The following BCAT1 variants were observed in gnomAD, a reference collection of about 807,000 sequenced individuals.
The protein encoded by BCAT1 is branched-chain-amino-acid aminotransferase, cytosolic.
In BCAT1, 48 loss-of-function variants were observed where a neutral mutation model predicts 52.4. The observed-to-expected ratio is 0.92, with a 90% CI of 0.73 to 1.16. BCAT1 has a LOEUF of 1.16. BCAT1 is among the 50% of genes most tolerant of loss of function. The pLI is 0.00. For missense variants in BCAT1, 451 were observed against 457.1 expected, an observed-to-expected ratio of 0.99 and a Z score of 0.12; for synonymous variants, 167 against 161.3, an observed-to-expected ratio of 1.04 and a Z score of -0.27.
intron 6 of BCAT1, among the ~76,000 whole-genome samples, chr12:24,847,156 G>A (rs1231965936): frequency 6.6e-6 from 1 of 152,204 alleles, no homozygotes; most frequent in Non-Finnish European, 1.5e-5. Flanking sequence ...ACATAGAGCA[G>A]TTAAGTAACA....
At chr12:24,933,109 CTTTTTTTTTTTTTTTTT>C (rs57512325) in intron 1 of BCAT1, among the ~76,000 whole-genome samples, 1 of 68,528 alleles carries the variant, frequency 1.5e-5, no homozygotes. Context: ...CACGCCTGGC[CTTTTTTTTTTTTTTTTT>C]TTTTTTTTTT....
chr12:24,902,792 G>C, intron 1 of BCAT1: 1 of 1,104,342 alleles, frequency 9.1e-7, no homozygotes, highest in Non-Finnish European at 1.2e-6. Flanking sequence ...GCAGGGATGC[G>C]GGGAAGGGAA....
At position 24,897,946 on chromosome 12, in the gene BCAT1, G is replaced by C. The variant is rs897793235; in HGVS notation, c.79-3471C>G. On this transcript the variant is annotated intron_variant, in intron 2 of 10. Transcript: ENST00000261192. Reference sequence around the variant, plus strand: ...CTTGAAAAAAAAATTCTGCAACTCTGAAAACTAAAAATAACAACTTTTAAC... The same window carrying C: ...CTTGAAAAAAAAATTCTGCAACTCTCAAAACTAAAAATAACAACTTTTAAC... Among the ~76,000 whole-genome samples, 7 of 152,078 alleles carry C rather than the reference G, an allele frequency of 4.6e-5. 1 individual carries two copies. Among genetic ancestry groups the C allele is most frequent in the Admixed American group, 2.0e-4 (3 of 15,270 alleles).
intron 1 of BCAT1, among the ~76,000 whole-genome samples, chr12:24,921,551 T>G (rs1401493041): frequency 6.6e-6 from 1 of 152,236 alleles, no homozygotes; most frequent in African/African-American, 2.4e-5. Context: ...TTCCCAGTAA[T>G]GTAAGCCCAA....
intron 7 of BCAT1, among the ~76,000 whole-genome samples, chr12:24,837,899 T>C (rs1565455522): frequency 6.6e-6 from 1 of 152,252 alleles, no homozygotes; most frequent in Non-Finnish European, 1.5e-5. Flanking sequence ...GCTGAGCTAC[T>C]GCTCTACTGT....
chr12:24,837,135 G>GGGTA (rs1941009756), intron 7 of BCAT1, among the ~76,000 whole-genome samples: 1 of 56,410 alleles, frequency 1.8e-5, no homozygotes, highest in African/African-American at 5.0e-5. Context: ...GAAGGGGGGA[G>GGGTA]GGAAGGAAGG....
At chr12:24,839,000 C>T (rs1286497865) in intron 7 of BCAT1, among the ~76,000 whole-genome samples, 2 of 152,184 alleles carry the variant, frequency 1.3e-5, no homozygotes, top group African/African-American at 4.8e-5. Flanking sequence ...GCCATTTATT[C>T]TACAAATACA....
At chr12:24,897,915 T>C (rs1454544503) in intron 2 of BCAT1, among the ~76,000 whole-genome samples, 1 of 152,022 alleles carries the variant, frequency 6.6e-6, no homozygotes, top group African/African-American at 2.4e-5. Flanking sequence ...CATGAACTTT[T>C]CTCTACTTGA....
chr12:24,890,643 A>T (rs1242804694), intron 3 of BCAT1, among the ~76,000 whole-genome samples: 1 of 152,192 alleles, frequency 6.6e-6, no homozygotes, highest in Non-Finnish European at 1.5e-5. Flanking sequence ...AAGTTAACCT[A>T]CAAGGTCTAA....
intron 3 of BCAT1, among the ~76,000 whole-genome samples, chr12:24,884,786 A>C (rs961170666): frequency 6.6e-6 from 1 of 152,182 alleles, no homozygotes. Context: ...TTTAACATTT[A>C]AAAAAATCAA....
At chr12:24,927,850 T>A (rs1450542083) in intron 1 of BCAT1, among the ~76,000 whole-genome samples, 1 of 152,202 alleles carries the variant, frequency 6.6e-6, no homozygotes, top group Non-Finnish European at 1.5e-5. Flanking sequence ...TATTTTTCTC[T>A]CATTACTGCC....
chr12:24,891,432 G>C (rs773940307), intron 3 of BCAT1, among the ~76,000 whole-genome samples: 1 of 152,072 alleles, frequency 6.6e-6, no homozygotes, highest in Admixed American at 6.5e-5. Context: ...ACCGTGTGAC[G>C]GACCCCAAGC....
intron 1 of BCAT1, among the ~76,000 whole-genome samples, chr12:24,916,239 G>T (rs1054871223): frequency 6.6e-6 from 1 of 152,208 alleles, no homozygotes; most frequent in Non-Finnish European, 1.5e-5. Flanking sequence ...TATGAATTGG[G>T]TGAATTGCTC....
intron 5 of BCAT1, among the ~76,000 whole-genome samples, chr12:24,865,742 A>G (rs1395105060): frequency 6.6e-6 from 1 of 152,228 alleles, no homozygotes; most frequent in Non-Finnish European, 1.5e-5. Flanking sequence ...CAACATTATA[A>G]CCGTTGTTAT....
In BCAT1 at chr12:24,829,960, G is replaced by C. The variant is rs138829448; in HGVS notation, c.1045-63C>G. 47 of 1,274,542 alleles carry C rather than the reference G, an allele frequency of 3.7e-5. No individual in the cohort carries two copies. In the African/African-American group the frequency reaches 6.5e-4, roughly 18 times the overall value. The allele number at this position is 1,274,542 out of a possible 1,614,324, so 79.0% of individuals were successfully genotyped here. A position where few individuals can be genotyped will look rare whatever the true frequency, so the allele number is the denominator to read the frequency against. ...TCATGTATATGGTGATAACAGATAA[G>C]ACACTCAAGCAATTCTGCTATACTA... On this transcript the variant is annotated intron_variant, in intron 9 of 10. Transcript: ENST00000261192.
rs548318494 is a variant in BCAT1 at position 24,920,395 on chromosome 12, G to A, written c.7-18510C>T. Among the ~76,000 whole-genome samples, 4 of 152,266 alleles carry A rather than the reference G, an allele frequency of 2.6e-5. No homozygotes were observed. The South Asian group carries it at 6.2e-4, about 24-fold the overall frequency. ...GGCTGAGAAGTAATGCTTGACCTTA[G>A]ATGCTCCATAAATCCTCTTGGCAAA... On this transcript the variant is annotated intron_variant, in intron 1 of 10. Coordinates refer to ENST00000261192, the MANE Select transcript of BCAT1 (RefSeq NM_005504.7).
chr12:24,851,338 AGGGAT>A (rs1229852386), intron 5 of BCAT1, among the ~76,000 whole-genome samples: 1 of 152,134 alleles, frequency 6.6e-6, no homozygotes, highest in Non-Finnish European at 1.5e-5. Flanking sequence ...ATGTTTCTGG[AGGGAT>A]ATTTTTATCT....
intron 10 of BCAT1, among the ~76,000 whole-genome samples, chr12:24,825,757 C>T (rs1414436374): frequency 6.6e-6 from 1 of 151,896 alleles, no homozygotes; most frequent in Non-Finnish European, 1.5e-5. Flanking sequence ...GTTATTAATC[C>T]CTTGTCAGAT....
chr12:24,840,761 G>C (rs758911394), intron 7 of BCAT1, among the ~76,000 whole-genome samples: 1 of 152,156 alleles, frequency 6.6e-6, no homozygotes, highest in Non-Finnish European at 1.5e-5. Flanking sequence ...AATAACATTA[G>C]AGCAAGAGAG....
Sources: gnomAD v4.1 joint callset for allele counts (sites outside exome capture counted in the v4.1 genomes callset) on GRCh38, gnomAD v4.1.1 for gene constraint, MANE v1.5 for transcripts, NCBI Gene and HGNC (gene_info 2026-07-23, HGNC 2026-07-21) for gene names.